The following FRMPD4 variants were observed in gnomAD, a reference collection of about 807,000 sequenced individuals.
FRMPD4 encodes FERM and PDZ domain containing 4.
FRMPD4 carries 22 observed loss-of-function variants against 94.1 expected under a neutral mutation model. That is an observed-to-expected ratio of 0.23 (90% CI 0.17 to 0.33). The LOEUF is 0.33. Among genes scored for constraint, FRMPD4 ranks in the 10% least tolerant of loss-of-function variants. The probability of loss-of-function intolerance (pLI) is 1.00; values close to 1 mark genes in which losing one functional copy is unlikely to be tolerated. For synonymous variants in FRMPD4, 631 were observed against 548.6 expected (o/e 1.15, Z -2.10); for missense variants, 1,111 against 1,339.9 (o/e 0.83, Z 2.67).
At chrX:12,701,750 T>G in intron 9 of FRMPD4, 124 bp from the exon 10 acceptor site, 1 of 695,732 alleles carries the variant, frequency 1.4e-6, no homozygotes, top group Non-Finnish European at 2.2e-6. Context: ...TGTTTCCACA[T>G]TTAGCCTCCT....
intron 1 of FRMPD4, among the ~76,000 whole-genome samples, chrX:12,448,451 C>T (rs139066174): frequency 1.2e-3 from 134 of 112,165 alleles, no homozygotes; most frequent in African/African-American, 4.0e-3. Context: ...ATAAAAATTG[C>T]TAAAATGTAC....
At chrX:12,720,070 GAAAGAAAGA>G (rs1192550790) in intron 16 of FRMPD4, among the ~76,000 whole-genome samples, 1 of 103,010 alleles carries the variant, frequency 9.7e-6, no homozygotes, top group Non-Finnish European at 2.0e-5. Flanking sequence ...AAGAAAGAAA[GAAAGAAAGA>G]AAGAGAAAGA....
At chrX:12,677,881 T>TA (rs1390442435) in intron 5 of FRMPD4, among the ~76,000 whole-genome samples, 1 of 111,856 alleles carries the variant, frequency 8.9e-6, no homozygotes, top group Non-Finnish European at 1.9e-5. Flanking sequence ...CTGCATTTTT[T>TA]AAAAAAAGTA....
intron 2 of FRMPD4, among the ~76,000 whole-genome samples, chrX:12,537,142 C>T (rs1358168975): frequency 9.0e-6 from 1 of 111,579 alleles, no homozygotes; most frequent in African/African-American, 3.3e-5. Flanking sequence ...TATAGGATTC[C>T]TGTCACCTTT....
At chrX:12,400,959 A>G (rs1356279745) in intron 1 of FRMPD4, among the ~76,000 whole-genome samples, 1 of 112,161 alleles carries the variant, frequency 8.9e-6, no homozygotes, top group Admixed American at 9.4e-5. Flanking sequence ...AGAACATAGT[A>G]ACTAAATTGC....
At chrX:12,678,922 C>G (rs1055963816) in intron 5 of FRMPD4, among the ~76,000 whole-genome samples, 2 of 112,747 alleles carry the variant, frequency 1.8e-5, no homozygotes, top group Non-Finnish European at 3.8e-5. Context: ...GTCCCATGAG[C>G]TAGCATAATT....
At chrX:12,135,908 C>A (rs2055592057), upstream of FRMPD4, among the ~76,000 whole-genome samples, 1 of 111,831 alleles carries the variant, frequency 8.9e-6, no homozygotes, top group Non-Finnish European at 1.9e-5. Context: ...ACGAGCTGGT[C>A]TTGTGCTGCC....
intron 2 of FRMPD4, among the ~76,000 whole-genome samples, chrX:11,873,094 G>T (rs1229199538): frequency 8.9e-6 from 1 of 111,871 alleles, no homozygotes; most frequent in African/African-American, 3.2e-5. Context: ...ACTCCCCACT[G>T]TTGAAGACTA....
intron 1 of FRMPD4, among the ~76,000 whole-genome samples, chrX:12,258,073 A>G (rs1310448444): frequency 1.8e-5 from 2 of 110,506 alleles, no homozygotes; most frequent in Non-Finnish European, 3.8e-5. Context: ...CCACCAAGAA[A>G]ATCCTCCCTA....
intron 1 of FRMPD4, among the ~76,000 whole-genome samples, chrX:12,435,061 T>C (rs2057049615): frequency 1.8e-5 from 2 of 111,778 alleles, no homozygotes; most frequent in South Asian, 7.5e-4. Context: ...TCAGGCCTTT[T>C]ATTTCCGTTA....
intron 1 of FRMPD4, among the ~76,000 whole-genome samples, chrX:12,459,470 T>G (rs766919248): frequency 1.2e-3 from 131 of 111,649 alleles, no homozygotes; most frequent in African/African-American, 4.0e-3. Context: ...ACGGTCAATC[T>G]GCTCCCCTAT....
intron 1 of FRMPD4, among the ~76,000 whole-genome samples, chrX:11,825,660 C>T (rs887925987): frequency 1.8e-5 from 2 of 110,863 alleles, no homozygotes; most frequent in African/African-American, 6.6e-5. Flanking sequence ...TATACCGCAC[C>T]CCCCCACCAA....
chrX:12,147,999 C>T (rs949863944), intron 1 of FRMPD4, among the ~76,000 whole-genome samples: 1 of 111,818 alleles, frequency 8.9e-6, no homozygotes, highest in Non-Finnish European at 1.9e-5. Flanking sequence ...TAGCCATTCC[C>T]TCATGTCTCT....
chrX:12,362,103 G>A (rs2055997177), intron 1 of FRMPD4, among the ~76,000 whole-genome samples: 1 of 109,787 alleles, frequency 9.1e-6, no homozygotes, highest in South Asian at 3.9e-4. Context: ...TCTTCTCTGG[G>A]TCTTTGGAAA....
chrX:12,346,976 A>C (rs1351564666), intron 1 of FRMPD4, among the ~76,000 whole-genome samples: 1 of 111,222 alleles, frequency 9.0e-6, no homozygotes, highest in East Asian at 2.8e-4. Context: ...TGGTTGTATA[A>C]TTCTCTTTTT....
At chrX:12,458,686 T>C (rs1246552349) in intron 1 of FRMPD4, among the ~76,000 whole-genome samples, 2 of 111,397 alleles carry the variant, frequency 1.8e-5, no homozygotes, top group East Asian at 2.8e-4. Context: ...GTGATTTCCA[T>C]TGGTGAAGGC....
At chrX:12,083,242 C>G (rs1252492416) in intron 3 of FRMPD4, among the ~76,000 whole-genome samples, 1 of 112,938 alleles carries the variant, frequency 8.9e-6, no homozygotes, top group East Asian at 2.8e-4. Flanking sequence ...TGCGTCCCAG[C>G]CACTCCAGCC....
intron 3 of FRMPD4, among the ~76,000 whole-genome samples, chrX:11,911,845 G>A (rs1208755142): frequency 8.9e-6 from 1 of 112,106 alleles, no homozygotes. Context: ...GCAATCAGAG[G>A]AAATAACCAA....
At chrX:12,443,492 A>G (rs904302156) in intron 1 of FRMPD4, among the ~76,000 whole-genome samples, 2 of 111,945 alleles carry the variant, frequency 1.8e-5, no homozygotes, top group African/African-American at 3.2e-5. Flanking sequence ...GTACATCTCA[A>G]CTGAGACTAG....
Sources: allele counts gnomAD v4.1 joint callset (sites outside exome capture counted in the v4.1 genomes callset), GRCh38; gene constraint gnomAD v4.1.1; transcripts MANE v1.5; gene names NCBI Gene and HGNC (gene_info 2026-07-23, HGNC 2026-07-21).